Variants in ANKS1A observed in about 807,000 individuals in gnomAD.
ANKS1A encodes the protein ankyrin repeat and sterile alpha motif domain containing 1A, also known as ankyrin repeat and SAM domain-containing protein 1A.
A neutral mutation model predicts 120.3 loss-of-function variants in ANKS1A; 55 were observed. That is an observed-to-expected ratio of 0.46 (90% CI 0.37 to 0.57). The LOEUF is 0.57. Ranked by LOEUF, ANKS1A falls within the 20% of genes least tolerant of loss-of-function variation. The pLI, the probability that ANKS1A is intolerant of heterozygous loss-of-function variation, is 0.00. For missense variants in ANKS1A, 1,123 were observed against 1,480.3 expected (o/e 0.76, Z 3.96); for synonymous variants, 590 against 604.7 (o/e 0.98, Z 0.36).
chr6:35,002,330 C>T (rs1185316827), intron 10 of ANKS1A, among the ~76,000 whole-genome samples: 2 of 152,078 alleles, frequency 1.3e-5, no homozygotes, highest in Admixed American at 1.3e-4. Flanking sequence ...CTGAAGAAGA[C>T]GACAAGCCCT....
intron 10 of ANKS1A, among the ~76,000 whole-genome samples, chr6:35,001,722 TG>T (rs1561904430): frequency 1.3e-5 from 2 of 152,198 alleles, no homozygotes; most frequent in Non-Finnish European, 2.9e-5. Context: ...GGATGTGTGG[TG>T]GTATTGTGGT....
chr6:35,064,402 C>T (rs1776661056), intron 13 of ANKS1A, among the ~76,000 whole-genome samples: 1 of 152,194 alleles, frequency 6.6e-6, no homozygotes, highest in South Asian at 2.1e-4. Flanking sequence ...CAGGCTCCTG[C>T]TACGTGGCAG....
chr6:34,915,986 CTTTTTTTTTT>C (rs202041070), intron 1 of ANKS1A, among the ~76,000 whole-genome samples: 3 of 104,578 alleles, frequency 2.9e-5, no homozygotes, highest in East Asian at 2.7e-4. Flanking sequence ...ATGTCTGGAT[CTTTTTTTTTT>C]TTTTTTTTTT....
At chr6:34,981,509 G>T (rs1364109677) in intron 3 of ANKS1A, among the ~76,000 whole-genome samples, 181 bp from the exon 4 acceptor site, 1 of 152,134 alleles carries the variant, frequency 6.6e-6, no homozygotes, top group African/African-American at 2.4e-5. Context: ...GGAAGGTGTC[G>T]CTGATTAGAC....
In ANKS1A at chr6:35,078,596, C is replaced by A. The variant is rs987259254; in HGVS notation, c.2223C>A (p.Ile741=). ...TGGAAGAGCAGGACCTGCGGGACATCGGCATCAGCGACCCACAGCACCGGC... is the reference window on the plus strand; with the variant it reads ...TGGAAGAGCAGGACCTGCGGGACATAGGCATCAGCGACCCACAGCACCGGC... ...NVMEEQDLRD[I]GISDPQHRRK... The change falls in exon 14 of 24, where the codon ATC becomes ATA. Residue 741 remains isoleucine, a synonymous_variant. Coordinates refer to ENST00000360359, the MANE Select transcript of ANKS1A (RefSeq NM_015245.3). 6.2e-7 allele frequency: 1 copy of A among 1,608,850 alleles called. No homozygotes were observed. The highest frequency in any genetic ancestry group is 8.5e-7 in the Non-Finnish European group (1 of 1,179,946).
chr6:35,076,689 C>T lies in ANKS1A; in HGVS notation c.2185-1869C>T, dbSNP rs546285744. 5.3e-5 allele frequency among the ~76,000 whole-genome samples: 8 copies of T among 152,220 alleles called. No homozygotes were observed. The South Asian group carries it at 8.3e-4, about 16-fold the overall frequency. The stretch of plus-strand genomic sequence containing the variant: ...TGTCGCCCAGGCTAGAGTGCAGTGG[C>T]GTGATCTCGGCTCACTGTAACCTCT... On this transcript the variant is annotated intron_variant, in intron 13 of 23. Transcript: ENST00000360359.
chr6:34,906,178 C>T (rs575037362), intron 1 of ANKS1A, among the ~76,000 whole-genome samples: 53 of 152,226 alleles, frequency 3.5e-4, no homozygotes, highest in Middle Eastern at 6.8e-3. Flanking sequence ...GTGTTTTTAG[C>T]GTTTCCTGGC....
chr6:35,018,410 TC>T (rs1204946443), intron 11 of ANKS1A, among the ~76,000 whole-genome samples: 9 of 152,028 alleles, frequency 5.9e-5, no homozygotes, highest in African/African-American at 2.2e-4. Flanking sequence ...CTGGAGTACT[TC>T]CTATGAGTCC....
intron 13 of ANKS1A, among the ~76,000 whole-genome samples, chr6:35,066,064 C>T (rs1220062776): frequency 1.3e-5 from 2 of 152,208 alleles, no homozygotes; most frequent in African/African-American, 4.8e-5. Flanking sequence ...GGTCCCCGCC[C>T]TGTGTGACTT....
chr6:35,023,892 CATAAT>C (rs757279155), intron 11 of ANKS1A: 30 of 156,098 alleles, frequency 1.9e-4, no homozygotes, highest in Non-Finnish European at 3.6e-4. Flanking sequence ...TAAAATATTT[CATAAT>C]ATAATTTCCA....
At position 35,057,245 on chromosome 6, in the gene ANKS1A, A is replaced by G. The variant is rs1243652747; in HGVS notation, c.2078-2902A>G. ...AGCTGAATCGCCAACAGAAGCGTTT[A>G]CAGCTAACTCATCCCTGTGCCAACT... On this transcript the variant is annotated intron_variant, in intron 12 of 23. Coordinates refer to ENST00000360359, the MANE Select transcript of ANKS1A (RefSeq NM_015245.3). The surrounding 1 kb of genome is among the most constrained non-coding windows in gnomAD (Gnocchi z 4.1). Among the ~76,000 whole-genome samples, 1 of 152,200 alleles carries G rather than the reference A, an allele frequency of 6.6e-6. No homozygotes were observed. The highest frequency in any genetic ancestry group is 2.0e-4 in the East Asian group (1 of 5,102).
intron 1 of ANKS1A, among the ~76,000 whole-genome samples, chr6:34,919,261 A>G (rs1768320004): frequency 6.6e-6 from 1 of 152,214 alleles, no homozygotes; most frequent in Admixed American, 6.5e-5. Flanking sequence ...AGGTTCCCCC[A>G]GGAGATTGTT....
In ANKS1A at chr6:35,089,162, CT is replaced by C; in HGVS notation, c.*554del. 1.0e-6 allele frequency: 1 copy of C among 1,003,490 alleles called. No individual in the cohort carries two copies. The highest frequency in any genetic ancestry group is 5.2e-5 in the Admixed American group (1 of 19,324). 62.2% of individuals were successfully genotyped at this position (1,003,490 alleles called of 1,614,324 possible). On this transcript the variant is annotated 3_prime_UTR_variant, in exon 24 of 24. Transcript: ENST00000360359. ...TTTTCAAACCCAACCATATCAGCTG[CT>C]GCTCTTTATGAACTGCCCAACTTCC...
chr6:34,955,241 A>C (rs902956694), intron 1 of ANKS1A, among the ~76,000 whole-genome samples: 2 of 151,230 alleles, frequency 1.3e-5, no homozygotes, highest in Admixed American at 1.3e-4. Flanking sequence ...GGTTCAAGTG[A>C]TTCTCCTGCC....
Position 34,959,228 on chromosome 6 carries a change from G to A in ANKS1A, c.198-8011G>A, listed in dbSNP as rs147685096. Among the ~76,000 whole-genome samples, 641 of 152,324 alleles carry A rather than the reference G, an allele frequency of 4.2e-3. 3 individuals are homozygous for A. The highest frequency in any genetic ancestry group is 0.01 in the Middle Eastern group (3 of 294). ...TGTTTTATGTACAGACATCTCAGATGCAGTGTTCTTGTATGTCCCATCAAG... is the reference window on the plus strand; with the variant it reads ...TGTTTTATGTACAGACATCTCAGATACAGTGTTCTTGTATGTCCCATCAAG... On this transcript the variant is annotated intron_variant, in intron 1 of 23. Transcript: ENST00000360359.
chr6:34,892,007 A>G (rs1766849663), intron 1 of ANKS1A, among the ~76,000 whole-genome samples: 1 of 152,238 alleles, frequency 6.6e-6, no homozygotes, highest in Non-Finnish European at 1.5e-5. Flanking sequence ...TAGTTAATAT[A>G]GTTAAGCAAG....
rs758057996 is a variant in ANKS1A at position 34,967,219 on chromosome 6, C to CTT, written c.198-11_198-10dup. On this transcript the variant is annotated intron_variant, in intron 1 of 23. Coordinates refer to ENST00000360359, the MANE Select transcript of ANKS1A (RefSeq NM_015245.3). Reference sequence around the variant, plus strand: ...CGGTCTGTGAAATCTATGTCTCTCTCTTTTTTTTTTCCCTGATAGCATGTG... The same window carrying CTT: ...CGGTCTGTGAAATCTATGTCTCTCTCTTTTTTTTTTTTCCCTGATAGCATGTG... 2.8e-6 allele frequency: 4 copies of CTT among 1,407,790 alleles called. No individual in the cohort carries two copies. Among genetic ancestry groups the CTT allele is most frequent in the Admixed American group, 1.9e-5 (1 of 52,338 alleles). The allele number at this position is 1,407,790 out of a possible 1,614,324, so 87.2% of individuals were successfully genotyped here.
chr6:34,907,473 A>T (rs139950195), intron 1 of ANKS1A, among the ~76,000 whole-genome samples: 6 of 152,288 alleles, frequency 3.9e-5, no homozygotes, highest in Non-Finnish European at 5.9e-5. Context: ...AGACCTCTAC[A>T]CACACAGGTT....
chr6:35,034,285 T>TC (rs1246074488), intron 11 of ANKS1A, among the ~76,000 whole-genome samples: 1 of 152,210 alleles, frequency 6.6e-6, no homozygotes, highest in East Asian at 1.9e-4. Flanking sequence ...GTGTTTTGGT[T>TC]CTTTTTCTTG....
Sources: gnomAD v4.1 joint callset for allele counts (sites outside exome capture counted in the v4.1 genomes callset) on GRCh38, gnomAD v4.1.1 for gene constraint, Gnocchi (gnomAD v3.1) non-coding constraint, MANE v1.5 for transcripts, NCBI Gene and HGNC (gene_info 2026-07-23, HGNC 2026-07-21) for gene names.